Variants in LRP1B observed in about 807,000 individuals in gnomAD.
The protein encoded by LRP1B is LDL receptor related protein 1B, also known as low-density lipoprotein receptor-related protein 1B.
A neutral mutation model predicts 556.6 loss-of-function variants in LRP1B; 217 were observed. The observed-to-expected ratio is 0.39, with a 90% CI of 0.35 to 0.44. The LOEUF (loss-of-function observed/expected upper bound fraction) is 0.44. Ranked by LOEUF, LRP1B falls within the 20% of genes least tolerant of loss-of-function variation. The pLI is 1.00. For missense variants in LRP1B, 5,053 were observed against 5,620.8 expected, an observed-to-expected ratio of 0.90 and a Z score of 3.23; for synonymous variants, 2,047 against 1,865.8, an observed-to-expected ratio of 1.10 and a Z score of -2.50.
chr2:141,009,962 A>G (rs1697694579), intron 14 of LRP1B, among the ~76,000 whole-genome samples: 1 of 152,030 alleles, frequency 6.6e-6, no homozygotes, highest in South Asian at 2.1e-4. Flanking sequence ...TTGAGGGCCA[A>G]TGGCTATGTC....
chr2:141,214,347 G>A (rs1365752903), intron 6 of LRP1B, among the ~76,000 whole-genome samples: 1 of 152,156 alleles, frequency 6.6e-6, no homozygotes, highest in Admixed American at 6.5e-5. Context: ...CTCAAAGGCT[G>A]AGAGATACCA....
At chr2:141,743,182 T>C (rs1160329155) in intron 2 of LRP1B, among the ~76,000 whole-genome samples, 2 of 152,180 alleles carry the variant, frequency 1.3e-5, no homozygotes, top group Non-Finnish European at 2.9e-5. Context: ...TCAACATTAA[T>C]TGAAATAATC....
intron 1 of LRP1B, among the ~76,000 whole-genome samples, chr2:141,841,075 G>A (rs1574416972): frequency 6.6e-6 from 1 of 152,106 alleles, no homozygotes. Context: ...CAGTCTCTCA[G>A]CAATTGAATC....
At chr2:140,475,561 G>T (rs562989787) in intron 59 of LRP1B, among the ~76,000 whole-genome samples, 12 of 150,044 alleles carry the variant, frequency 8.0e-5, no homozygotes, top group African/African-American at 2.7e-4. Context: ...GTTTATTTTA[G>T]AACACAAACT....
chr2:142,079,448 G>A (rs147169069), intron 1 of LRP1B, among the ~76,000 whole-genome samples: 2 of 152,098 alleles, frequency 1.3e-5, no homozygotes, highest in East Asian at 1.9e-4. Flanking sequence ...TCTTAACCAA[G>A]TATTCAAAAT....
At chr2:140,718,290 C>T (rs2105468176) in intron 35 of LRP1B, among the ~76,000 whole-genome samples, 1 of 152,126 alleles carries the variant, frequency 6.6e-6, no homozygotes. Flanking sequence ...AGACTAAAAG[C>T]ATCGGGATTG....
intron 2 of LRP1B, among the ~76,000 whole-genome samples, chr2:141,657,774 A>G (rs1690069366): frequency 6.6e-6 from 1 of 152,146 alleles, no homozygotes; most frequent in Admixed American, 6.5e-5. Context: ...CAGTTGATCA[A>G]TCTATAGTTT....
intron 18 of LRP1B, among the ~76,000 whole-genome samples, chr2:140,969,760 A>T (rs1696352509): frequency 6.6e-6 from 1 of 151,934 alleles, no homozygotes; most frequent in Admixed American, 6.6e-5. Context: ...TCTGTAAAGG[A>T]TTTTATTTCT....
intron 3 of LRP1B, among the ~76,000 whole-genome samples, chr2:141,320,435 G>A (rs1047783584): frequency 2.0e-5 from 3 of 152,006 alleles, no homozygotes; most frequent in East Asian, 1.9e-4. Context: ...TCAATCTTAC[G>A]GAGTACGGGC....
chr2:141,062,350 A>G, intron 7 of LRP1B, 77 bp from the exon 8 acceptor site: 1 of 927,840 alleles, frequency 1.1e-6, no homozygotes, highest in South Asian at 1.6e-5. Flanking sequence ...TGTAAAAAAC[A>G]GAACTTTTTC....
intron 1 of LRP1B, among the ~76,000 whole-genome samples, chr2:142,041,927 G>A (rs547470694): frequency 1.3e-5 from 2 of 151,644 alleles, no homozygotes; most frequent in Admixed American, 1.3e-4. Flanking sequence ...TGAATTAAAA[G>A]TAGTCTACAC....
Position 141,273,311 on chromosome 2 carries a change from A to T in LRP1B, c.344-18670T>A, listed in dbSNP as rs187023354. ...GCCACACAGTGAGACTCCATCTCAAAAAAAAAAAGGAAGAAAAACGTACTA... is the reference window on the plus strand; with the variant it reads ...GCCACACAGTGAGACTCCATCTCAATAAAAAAAAGGAAGAAAAACGTACTA... On this transcript the variant is annotated intron_variant, in intron 3 of 90. Coordinates refer to ENST00000389484, the MANE Select transcript of LRP1B (RefSeq NM_018557.3). Among the ~76,000 whole-genome samples, 475 of 152,090 alleles carry T rather than the reference A, an allele frequency of 3.1e-3. 2 individuals carry two copies. Among genetic ancestry groups the T allele is most frequent in the African/African-American group, 0.011 (438 of 41,504 alleles).
chr2:140,614,679 C>T lies in LRP1B; in HGVS notation c.6800-13040G>A, dbSNP rs77952758. 9.7e-3 allele frequency among the ~76,000 whole-genome samples: 1,482 copies of T among 152,112 alleles called. 18 individuals are homozygous for T. Among genetic ancestry groups the T allele is most frequent in the African/African-American group, 0.031 (1,287 of 41,494 alleles). ...GAAAAATTTGAGGAGACAAATATTACGATGTAATTGAGCATTTATTGAGTG... is the reference window on the plus strand; with the variant it reads ...GAAAAATTTGAGGAGACAAATATTATGATGTAATTGAGCATTTATTGAGTG... On this transcript the variant is annotated intron_variant, in intron 41 of 90. Transcript: ENST00000389484.
chr2:141,138,688 A>C (rs1421349434), intron 7 of LRP1B, among the ~76,000 whole-genome samples: 3 of 151,906 alleles, frequency 2.0e-5, no homozygotes, highest in Admixed American at 1.3e-4. Context: ...AAAGACCTGG[A>C]CATATGGACA....
chr2:141,007,877 TTTC>T (rs1199493604), intron 14 of LRP1B, among the ~76,000 whole-genome samples: 1 of 151,756 alleles, frequency 6.6e-6, no homozygotes, highest in Non-Finnish European at 1.5e-5. Flanking sequence ...TTGAAATATA[TTTC>T]TTTTCTGTGA....
chr2:140,535,266 G>A (rs1481444478), intron 46 of LRP1B, among the ~76,000 whole-genome samples: 1 of 151,982 alleles, frequency 6.6e-6, no homozygotes, highest in Admixed American at 6.6e-5. Flanking sequence ...ATAATCTCAA[G>A]TCAACTTATA....
At chr2:141,515,618 T>C (rs2220071) in intron 2 of LRP1B, among the ~76,000 whole-genome samples, 148,020 of 152,218 alleles carry the variant, frequency 0.97, 72,100 homozygotes, top group East Asian at 1. Flanking sequence ...AACATTTCAC[T>C]TTAAAAATTC....
chr2:141,598,921 G>A (rs1266551053), intron 2 of LRP1B, among the ~76,000 whole-genome samples: 1 of 151,856 alleles, frequency 6.6e-6, no homozygotes, highest in Non-Finnish European at 1.5e-5. Flanking sequence ...CTGCTGATCA[G>A]ACAACATCAA....
At chr2:140,540,514 T>C (rs1232014627) in intron 45 of LRP1B, among the ~76,000 whole-genome samples, 1 of 152,132 alleles carries the variant, frequency 6.6e-6, no homozygotes, top group Non-Finnish European at 1.5e-5. Context: ...ATTAACAGTT[T>C]GGAAATGATT....
Sources: gnomAD v4.1 joint callset for allele counts (sites outside exome capture counted in the v4.1 genomes callset) on GRCh38, gnomAD v4.1.1 for gene constraint, MANE v1.5 for transcripts, NCBI Gene and HGNC (gene_info 2026-07-23, HGNC 2026-07-21) for gene names.